NPAT: variants seen among roughly 807,000 people sequenced by gnomAD.
NPAT encodes nuclear protein, coactivator of histone transcription, also known as protein NPAT.
Under a neutral mutation model 130.7 loss-of-function variants are expected in NPAT, and 52 were observed. The ratio of observed to expected loss-of-function variants is 0.40; its 90% CI spans 0.32 to 0.50. NPAT has a LOEUF of 0.50. Among genes scored for constraint, NPAT ranks in the 20% least tolerant of loss-of-function variants. The probability of loss-of-function intolerance (pLI) is 0.68; values close to 1 mark genes in which losing one functional copy is unlikely to be tolerated. For missense variants in NPAT, 1,687 were observed against 1,662.6 expected, an observed-to-expected ratio of 1.01 and a Z score of -0.26; for synonymous variants, 580 against 584.8, an observed-to-expected ratio of 0.99 and a Z score of 0.12.
Position 108,189,293 on chromosome 11 carries a change from C to A in NPAT, c.369G>T (p.Gln123His). 6.2e-7 allele frequency: 1 copy of A among 1,614,166 alleles called. No homozygotes were observed. Residue 123 changes from glutamine (Q) to histidine (H), a missense_variant, in exon 6 of 18, where the codon CAG becomes CAT. Physicochemically the swap from Gln to His is conservative, Grantham distance 24. This residue lies in a region of NPAT where 307 missense variants were observed against 298.9 expected (regional missense o/e 1.03). Coordinates refer to ENST00000278612, the MANE Select transcript of NPAT (RefSeq NM_002519.3). Reference sequence around the variant, plus strand: ...GAGCTGTTTGAGATGCAAGCTTTCTCTGCCGTTTGATTTCTGCAATTCCAG... The same window carrying A: ...GAGCTGTTTGAGATGCAAGCTTTCTATGCCGTTTGATTTCTGCAATTCCAG... ...TRTGIAEIKR[Q>H]RKLASQTAPA...
intron 1 of NPAT, among the ~76,000 whole-genome samples, chr11:108,206,443 T>C (rs2078325955): frequency 1.3e-5 from 2 of 152,058 alleles, no homozygotes; most frequent in African/African-American, 4.8e-5. Flanking sequence ...GTCAGGCATG[T>C]TGGATGCAGT....
intron 2 of NPAT, among the ~76,000 whole-genome samples, chr11:108,195,405 T>G (rs2078210216): frequency 6.6e-6 from 1 of 152,220 alleles, no homozygotes; most frequent in African/African-American, 2.4e-5. Flanking sequence ...CTAACAGGAA[T>G]TAGTATCTCA....
chr11:108,185,724 T>A (rs949061219), intron 8 of NPAT, among the ~76,000 whole-genome samples: 2 of 152,174 alleles, frequency 1.3e-5, no homozygotes, highest in Non-Finnish European at 2.9e-5. Flanking sequence ...TCCACACTCA[T>A]CATCAAACCC....
At chr11:108,184,156 ATCTT>A (rs1056904047) in intron 10 of NPAT, among the ~76,000 whole-genome samples, 1 of 152,026 alleles carries the variant, frequency 6.6e-6, no homozygotes, top group Non-Finnish European at 1.5e-5. Flanking sequence ...TTGGTTAGCA[ATCTT>A]TCTTTTTAAA....
Position 108,189,158 on chromosome 11 carries a change from C to T in NPAT, c.504G>A (p.Ser168=), listed in dbSNP as rs138978380. The T allele has an allele frequency of 1.6e-4, 251 of 1,614,110 alleles. 1 individual carries two copies. The East Asian group carries it at 5.0e-3, about 32-fold the overall frequency. ...TRPSGQISDP[S]RSYFVVVNHS... ...GGTTGACCACTACAAAATATGACCT[C>T]GATGGATCTGAAATTTGGCCACTTG... is the stretch of plus-strand genomic sequence containing the variant. Residue 168 remains serine (S), a synonymous_variant, in exon 6 of 18, where the codon TCG becomes TCA. Coordinates refer to ENST00000278612, the MANE Select transcript of NPAT (RefSeq NM_002519.3).
At chr11:108,222,172 G>C (rs1401382523) in intron 1 of NPAT, among the ~76,000 whole-genome samples, 1 of 152,178 alleles carries the variant, frequency 6.6e-6, no homozygotes, top group South Asian at 2.1e-4. Context: ...CACGCAATCC[G>C]TCCGTCATGC....
At chr11:108,202,341 A>G (rs1161674220) in intron 1 of NPAT, among the ~76,000 whole-genome samples, 1 of 152,188 alleles carries the variant, frequency 6.6e-6, no homozygotes, top group Non-Finnish European at 1.5e-5. Context: ...CAAGCAGCTA[A>G]GTCGGCAGCA....
chr11:108,198,424 G>A (rs967408540), intron 1 of NPAT, among the ~76,000 whole-genome samples: 7 of 152,236 alleles, frequency 4.6e-5, no homozygotes, highest in African/African-American at 1.7e-4. Context: ...TCCACGTCTA[G>A]AAAATTATGA....
Position 108,197,293 on chromosome 11 carries a change from A to G in NPAT, c.156+9T>C, listed in dbSNP as rs1042254744. 5 of 1,497,906 alleles carry G rather than the reference A, an allele frequency of 3.3e-6. No individual in the cohort carries two copies. Among genetic ancestry groups the G allele is most frequent in the Non-Finnish European group, 4.7e-6 (5 of 1,074,284 alleles). The allele number at this position is 1,497,906 out of a possible 1,614,324, so 92.8% of individuals were successfully genotyped here. On this transcript the variant is annotated intron_variant, in intron 2 of 17. Coordinates refer to ENST00000278612, the MANE Select transcript of NPAT (RefSeq NM_002519.3). ...ATGAAATATTTCCCTTAAGGAACAA[A>G]TAACTCACCAGTAAGCAGGCTGGAA...
intron 6 of NPAT, among the ~76,000 whole-genome samples, chr11:108,188,736 G>C (rs1268191668): frequency 6.6e-6 from 1 of 152,218 alleles, no homozygotes; most frequent in Non-Finnish European, 1.5e-5. Flanking sequence ...TGTAAAGATA[G>C]AGAAGTAGAA....
chr11:108,185,821 C>T (rs952498579), intron 8 of NPAT, among the ~76,000 whole-genome samples: 7 of 152,220 alleles, frequency 4.6e-5, no homozygotes, highest in African/African-American at 1.7e-4. Flanking sequence ...ACCTCCACCT[C>T]GCAGTTCAAG....
intron 2 of NPAT, 29 bp downstream of exon 2, chr11:108,197,273 A>G (rs949234660): frequency 7.3e-7 from 1 of 1,363,684 alleles, no homozygotes; most frequent in African/African-American, 1.4e-5. Context: ...TGTTGATGAA[A>G]TATTTCCCTT....
chr11:108,191,729 T>C (rs1006830041), intron 4 of NPAT, among the ~76,000 whole-genome samples: 2 of 152,228 alleles, frequency 1.3e-5, no homozygotes, highest in African/African-American at 4.8e-5. Flanking sequence ...TTCAAGCTTT[T>C]TTCTTTACAA....
rs1284465193 is a variant in NPAT at position 108,172,465 on chromosome 11, G to T, written c.2519C>A (p.Thr840Lys). ...TCCTCCATCCTTGGAAACACATGGT[G>T]TAACATTAGCTGAAAAAGCAATGCC... is the stretch of plus-strand genomic sequence containing the variant. ...EDGIAFSANVTPCVSKDGGYI... is the reference protein window; with the variant it reads ...EDGIAFSANVKPCVSKDGGYI... Residue 840 changes from threonine (T) to lysine (K), a missense_variant, in exon 13 of 18, where the codon ACA (threonine) becomes AAA (lysine). By Grantham distance (78) the Thr-to-Lys change is moderately conservative (BLOSUM62 -1). Coordinates refer to ENST00000278612, the MANE Select transcript of NPAT (RefSeq NM_002519.3). 4 of 1,614,056 alleles carry T rather than the reference G, an allele frequency of 2.5e-6. No individual in the cohort carries two copies.
chr11:108,200,091 A>C (rs1565323914), intron 1 of NPAT, among the ~76,000 whole-genome samples: 1 of 152,208 alleles, frequency 6.6e-6, no homozygotes, highest in Non-Finnish European at 1.5e-5. Context: ...TGTTGAAGGA[A>C]TCCATTTGCA....
In NPAT at chr11:108,158,774, A is replaced by ATTT. The variant is rs1476686315; in HGVS notation, c.*167_*168insAAA. 1.8e-6 allele frequency: 1 copy of ATTT among 569,586 alleles called. No homozygotes were observed. The highest frequency in any genetic ancestry group is 3.1e-6 in the Non-Finnish European group (1 of 319,040). 35.3% of individuals were successfully genotyped at this position (569,586 alleles called of 1,614,324 possible). On this transcript the variant is annotated 3_prime_UTR_variant, in exon 18 of 18. Transcript: ENST00000278612. ...AAAAATATACCAAGTAAGTCTATTTACAAACTAGGAAGCTGTTTCAGAAAC... is the reference window on the plus strand; with the variant it reads ...AAAAATATACCAAGTAAGTCTATTTATTTCAAACTAGGAAGCTGTTTCAGAAAC...
intron 15 of NPAT, among the ~76,000 whole-genome samples, chr11:108,167,721 A>T (rs1205025608): frequency 6.6e-6 from 1 of 152,240 alleles, no homozygotes; most frequent in Non-Finnish European, 1.5e-5. Flanking sequence ...CATGATGTTT[A>T]CTATAGATAG....
chr11:108,178,827 C>T (rs552025390), intron 10 of NPAT, among the ~76,000 whole-genome samples: 42 of 152,218 alleles, frequency 2.8e-4, no homozygotes, highest in African/African-American at 9.9e-4. Context: ...CAGTGCACTC[C>T]AGCCTGGGCA....
chr11:108,181,078 T>C (rs1440396395), intron 10 of NPAT, among the ~76,000 whole-genome samples: 1 of 152,180 alleles, frequency 6.6e-6, no homozygotes, highest in African/African-American at 2.4e-5. Flanking sequence ...ACAGATCAAA[T>C]TGTGTCCCTC....
Sources: allele counts gnomAD v4.1 joint callset (sites outside exome capture counted in the v4.1 genomes callset), GRCh38; gene constraint gnomAD v4.1.1; regional missense constraint gnomAD v4.1.1; transcripts MANE v1.5; gene names NCBI Gene and HGNC (gene_info 2026-07-23, HGNC 2026-07-21).